Variants in IMPG1 observed in about 807,000 individuals in gnomAD.
IMPG1 encodes interphotoreceptor matrix proteoglycan of 150 kDa.
IMPG1 carries 85 observed loss-of-function variants against 92.0 expected under a neutral mutation model. The observed-to-expected ratio is 0.92, with a 90% CI of 0.78 to 1.11. The LOEUF (loss-of-function observed/expected upper bound fraction) is 1.11, where lower values mean the gene tolerates loss of function less well. IMPG1 is among the 50% of genes least tolerant of loss of function. The pLI, the probability that IMPG1 is intolerant of heterozygous loss-of-function variation, is 0.00. For missense variants in IMPG1, 1,022 were observed against 956.0 expected (o/e 1.07, Z -0.91); for synonymous variants, 367 against 334.1 (o/e 1.10, Z -1.08).
intron 14 of IMPG1, among the ~76,000 whole-genome samples, chr6:75,946,751 C>A (rs1266364926): frequency 6.6e-6 from 1 of 152,068 alleles, no homozygotes; most frequent in African/African-American, 2.4e-5. Flanking sequence ...TAGTATACAA[C>A]CAAAAAGCAA....
chr6:75,979,363 G>C (rs1297530236), intron 12 of IMPG1, among the ~76,000 whole-genome samples: 1 of 152,216 alleles, frequency 6.6e-6, no homozygotes, highest in African/African-American at 2.4e-5. Flanking sequence ...GGATGGAAAA[G>C]GGGTGTGGAG....
intron 4 of IMPG1, among the ~76,000 whole-genome samples, chr6:76,030,068 G>A (rs968207602): frequency 1.3e-5 from 2 of 152,312 alleles, no homozygotes; most frequent in South Asian, 2.1e-4. Flanking sequence ...GATTCCTGTC[G>A]ATTAAGCCAA....
chr6:76,017,181 T>C (rs1783304030), intron 7 of IMPG1, among the ~76,000 whole-genome samples: 1 of 143,058 alleles, frequency 7.0e-6, no homozygotes, highest in African/African-American at 2.6e-5. Flanking sequence ...AAGGAACTGG[T>C]ATATGGTGAG....
intron 8 of IMPG1, 129 bp downstream of exon 8, chr6:76,011,037 C>A (rs956629734): frequency 3.4e-6 from 2 of 589,782 alleles, no homozygotes; most frequent in Non-Finnish European, 6.1e-6. Context: ...AAACGTACTC[C>A]GTTTCCAGGA....
chr6:75,950,616 C>G lies in IMPG1; in HGVS notation c.1770G>C (p.Leu590=). 1 of 1,613,654 alleles carries G rather than the reference C, an allele frequency of 6.2e-7. No homozygotes were observed. Among genetic ancestry groups the G allele is most frequent in the East Asian group, 2.2e-5 (1 of 44,876 alleles). Residue 590 remains leucine (L), a synonymous_variant, in exon 13 of 17, where the codon CTG becomes CTC. Coordinates refer to ENST00000369950, the MANE Select transcript of IMPG1 (RefSeq NM_001563.4). ...GGTACTCCAGAGAGCTCTTGTTGAACAGGTCGTTGGAGAAGGCCATGTTAG... is the reference window on the plus strand; with the variant it reads ...GGTACTCCAGAGAGCTCTTGTTGAAGAGGTCGTTGGAGAAGGCCATGTTAG... The part of the protein sequence containing the change: ...RVANMAFSND[L]FNKSSLEYRA...
intron 14 of IMPG1, among the ~76,000 whole-genome samples, chr6:75,933,758 C>T (rs189427247): frequency 8.5e-5 from 13 of 152,314 alleles, no homozygotes; most frequent in African/African-American, 3.1e-4. Flanking sequence ...CCTCCAGCTT[C>T]AGTGGAAAGG....
At chr6:76,008,865 C>G (rs1783140172) in intron 8 of IMPG1, among the ~76,000 whole-genome samples, 1 of 152,152 alleles carries the variant, frequency 6.6e-6, no homozygotes, top group African/African-American at 2.4e-5. Flanking sequence ...ACTGTGCGAT[C>G]CTTCCCCTTC....
At chr6:75,925,055 A>G (rs1246156335) in intron 15 of IMPG1, among the ~76,000 whole-genome samples, 1 of 151,636 alleles carries the variant, frequency 6.6e-6, no homozygotes. Flanking sequence ...CTGGTGTCCT[A>G]TTGCACAGTA....
chr6:75,990,539 A>G (rs528638758), intron 12 of IMPG1, among the ~76,000 whole-genome samples: 21 of 151,708 alleles, frequency 1.4e-4, no homozygotes, highest in Non-Finnish European at 2.2e-4. Context: ...GGATTGCTTG[A>G]GCCCAGGAGT....
intron 14 of IMPG1, among the ~76,000 whole-genome samples, chr6:75,945,378 GTCTC>G (rs1781909669): frequency 7.2e-6 from 1 of 138,192 alleles, no homozygotes; most frequent in Non-Finnish European, 1.5e-5. Flanking sequence ...TTTGAGAGGA[GTCTC>G]TCTGTTGCCC....
intron 1 of IMPG1, among the ~76,000 whole-genome samples, chr6:76,056,668 T>C (rs908913724): frequency 6.6e-6 from 1 of 152,194 alleles, no homozygotes; most frequent in African/African-American, 2.4e-5. Flanking sequence ...AAAGGTTCCC[T>C]TTTCTCCACA....
chr6:75,997,060 A>C lies in IMPG1; in HGVS notation c.1291+5858T>G, dbSNP rs73751907. Among the ~76,000 whole-genome samples, 728 of 152,344 alleles carry C rather than the reference A, an allele frequency of 4.8e-3. 4 individuals are homozygous for C. Among genetic ancestry groups the C allele is most frequent in the African/African-American group, 0.016 (656 of 41,584 alleles). The stretch of plus-strand genomic sequence containing the variant: ...TAAGTCACCTGACATTTCTAGGCTA[A>C]ATCTAGAAGTACCAAATTTGAGAGT... On this transcript the variant is annotated intron_variant, in intron 12 of 16. Transcript: ENST00000369950.
At chr6:76,060,612 TAGAC>T (rs767528753) in intron 1 of IMPG1, among the ~76,000 whole-genome samples, 10 of 152,306 alleles carry the variant, frequency 6.6e-5, no homozygotes, top group Admixed American at 1.3e-4. Flanking sequence ...ATGATCTTCT[TAGAC>T]AGAGAACTTA....
chr6:76,040,681 T>C (rs778605359), intron 2 of IMPG1, among the ~76,000 whole-genome samples: 1 of 152,204 alleles, frequency 6.6e-6, no homozygotes, highest in Non-Finnish European at 1.5e-5. Context: ...TTTCTATGGG[T>C]GTGGCTTCTT....
intron 14 of IMPG1, among the ~76,000 whole-genome samples, chr6:75,935,760 C>A (rs1236315690): frequency 6.6e-6 from 1 of 152,144 alleles, no homozygotes; most frequent in African/African-American, 2.4e-5. Flanking sequence ...AAAATTAATG[C>A]AACCCGTACT....
intron 10 of IMPG1, 142 bp from the exon 11 acceptor site, chr6:76,004,092 T>A: frequency 1.6e-6 from 1 of 615,164 alleles, no homozygotes. Context: ...ACCAGAGGCA[T>A]AGAAAAAAGG....
At chr6:75,974,351 C>A (rs1044316214) in intron 12 of IMPG1, among the ~76,000 whole-genome samples, 24 of 105,686 alleles carry the variant, frequency 2.3e-4, no homozygotes, top group Non-Finnish European at 4.0e-4. Context: ...TTCTTTCTTT[C>A]TTTCTTTCTT....
chr6:75,990,402 A>G (rs1376890700), intron 12 of IMPG1, among the ~76,000 whole-genome samples: 1 of 152,168 alleles, frequency 6.6e-6, no homozygotes, highest in Non-Finnish European at 1.5e-5. Flanking sequence ...TGGTTTACTC[A>G]ATAGTCAAAA....
rs1377082609 is a variant in IMPG1, at chr6:75,969,266, G to A, written c.1292-18172C>T. Among the ~76,000 whole-genome samples, 5 of 151,966 alleles carry A rather than the reference G, an allele frequency of 3.3e-5. No homozygotes were observed. The East Asian group carries it at 7.7e-4, about 23-fold the overall frequency. On this transcript the variant is annotated intron_variant, in intron 12 of 16. Transcript: ENST00000369950. The stretch of plus-strand genomic sequence containing the variant: ...CATGATGACTATAGTTAATAGCAAC[G>A]TATTGTATTTTAAAAATTGCTAAGA...
Sources: allele counts gnomAD v4.1 joint callset (sites outside exome capture counted in the v4.1 genomes callset), GRCh38; gene constraint gnomAD v4.1.1; transcripts MANE v1.5; gene names NCBI Gene and HGNC (gene_info 2026-07-23, HGNC 2026-07-21).